FZD3: variants seen among roughly 807,000 people sequenced by gnomAD.
The protein encoded by FZD3 is frizzled class receptor 3.
FZD3 carries 30 observed loss-of-function variants against 60.7 expected under a neutral mutation model. That is an observed-to-expected ratio of 0.49 (90% CI 0.37 to 0.67). The LOEUF (loss-of-function observed/expected upper bound fraction) is 0.67. FZD3 is among the 30% of genes least tolerant of loss of function. The pLI is 0.00. For missense variants in FZD3, 605 were observed against 838.7 expected, an observed-to-expected ratio of 0.72 and a Z score of 3.44; for synonymous variants, 246 against 275.2, an observed-to-expected ratio of 0.89 and a Z score of 1.05.
intron 7 of FZD3, among the ~76,000 whole-genome samples, chr8:28,558,564 A>G (rs975749180): frequency 6.6e-6 from 1 of 151,704 alleles, no homozygotes; most frequent in African/African-American, 2.4e-5. Flanking sequence ...CTGAGTAGCT[A>G]GGATTACAGG....
intron 3 of FZD3, among the ~76,000 whole-genome samples, chr8:28,503,989 C>T (rs543008487): frequency 6.6e-6 from 1 of 152,306 alleles, no homozygotes; most frequent in East Asian, 1.9e-4. Flanking sequence ...ACCGTTAATT[C>T]ATATTCTCAT....
chr8:28,549,015 A>G (rs898200708), intron 5 of FZD3, among the ~76,000 whole-genome samples: 8 of 152,208 alleles, frequency 5.3e-5, no homozygotes, highest in African/African-American at 1.9e-4. Context: ...TAAACAACAG[A>G]AACTAATTTT....
Position 28,566,284 on chromosome 8 carries a change from C to T in FZD3, c.*3273C>T, listed in dbSNP as rs1805704592. 6.6e-6 allele frequency: 1 copy of T among 150,698 alleles called. No homozygotes were observed. Among genetic ancestry groups the T allele is most frequent in the South Asian group, 2.1e-4 (1 of 4,820 alleles). The allele number at this position is 150,698 out of a possible 1,614,324, so 9.3% of individuals were successfully genotyped here. On this transcript the variant is annotated 3_prime_UTR_variant, in exon 8 of 8. Transcript: ENST00000240093. ...AACATATTTTGCATAGATAACAGTC[C>T]ATATCACTATTATAATTAAAGAAAT...
intron 1 of FZD3, among the ~76,000 whole-genome samples, chr8:28,496,947 C>G (rs1207545933): frequency 6.6e-6 from 1 of 152,116 alleles, no homozygotes; most frequent in Non-Finnish European, 1.5e-5. Flanking sequence ...TTTTTGATAG[C>G]AGATTTAAGA....
intron 5 of FZD3, among the ~76,000 whole-genome samples, chr8:28,538,908 CTG>C (rs1444284804): frequency 1.3e-5 from 2 of 151,004 alleles, no homozygotes; most frequent in Non-Finnish European, 2.9e-5. Context: ...GGAGAAGCAA[CTG>C]TGAATAAAAT....
rs1182459067 is a variant in FZD3, at chr8:28,520,670, T to G, written c.222T>G (p.Ser74=). 6.2e-7 allele frequency: 1 copy of G among 1,605,178 alleles called. No individual in the cohort carries two copies. Among genetic ancestry groups the G allele is most frequent in the African/African-American group, 1.3e-5 (1 of 74,678 alleles). The part of the protein sequence containing the change: ...PFHPMVNLDC[S]RDFRPFLCAL... The stretch of plus-strand genomic sequence containing the variant: ...ACCCTATGGTGAATCTGGATTGTTC[T>G]CGGGATTTCCGGCCTTTTCTTTGTG... The change falls in exon 4 of 8, where the codon TCT becomes TCG. Residue 74 remains serine, a synonymous_variant. Transcript: ENST00000240093.
chr8:28,508,994 G>A (rs959100582), intron 3 of FZD3, among the ~76,000 whole-genome samples: 2 of 151,662 alleles, frequency 1.3e-5, no homozygotes, highest in African/African-American at 4.8e-5. Context: ...TTGTCCTTTA[G>A]GGACAAAGAT....
chr8:28,542,270 T>C (rs1370106853), intron 5 of FZD3, among the ~76,000 whole-genome samples: 5 of 152,144 alleles, frequency 3.3e-5, no homozygotes, highest in Non-Finnish European at 4.4e-5. Context: ...ATTATTGTTA[T>C]TGCTGTTTCT....
intron 3 of FZD3, among the ~76,000 whole-genome samples, chr8:28,508,673 G>T (rs1310741985): frequency 6.7e-6 from 1 of 148,162 alleles, no homozygotes; most frequent in African/African-American, 2.6e-5. Flanking sequence ...GCTAATTTTT[G>T]TGTTTTTTGT....
intron 4 of FZD3, among the ~76,000 whole-genome samples, chr8:28,525,213 T>C (rs919549202): frequency 6.6e-6 from 1 of 152,204 alleles, no homozygotes; most frequent in African/African-American, 2.4e-5. Flanking sequence ...CTATTCTAGA[T>C]GTCGAAGATG....
At chr8:28,543,319 C>G (rs1272828953) in intron 5 of FZD3, among the ~76,000 whole-genome samples, 1 of 151,342 alleles carries the variant, frequency 6.6e-6, no homozygotes, top group Non-Finnish European at 1.5e-5. Context: ...GAGTATAAGC[C>G]AGTGTGATTT....
At chr8:28,561,419 A>G (rs975179663) in intron 7 of FZD3, among the ~76,000 whole-genome samples, 1 of 152,212 alleles carries the variant, frequency 6.6e-6, no homozygotes, top group Non-Finnish European at 1.5e-5. Flanking sequence ...CTCTGATCTA[A>G]TGAAAATGTG....
Position 28,527,271 on chromosome 8 carries a change from A to G in FZD3, c.511A>G (p.Ile171Val). ...YGFWCPRELK[I>V]DPDLGYSFLH... ...TTTTTGGTGTCCCCGAGAGTTAAAAATTGATCCTGATCTGGGTTATTCTTT... is the reference window on the plus strand; with the variant it reads ...TTTTTGGTGTCCCCGAGAGTTAAAAGTTGATCCTGATCTGGGTTATTCTTT... Residue 171 changes from isoleucine (I) to valine (V), a missense_variant, in exon 5 of 8, where the codon ATT becomes GTT. Coordinates refer to ENST00000240093, the MANE Select transcript of FZD3 (RefSeq NM_017412.4). The surrounding 1 kb of genome is among the most constrained non-coding windows in gnomAD (Gnocchi z 5.0). The G allele has an allele frequency of 6.2e-7, 1 of 1,614,068 alleles. No individual in the cohort carries two copies. Among genetic ancestry groups the G allele is most frequent in the Non-Finnish European group, 8.5e-7 (1 of 1,179,938 alleles).
chr8:28,531,082 T>C (rs542126586), intron 5 of FZD3, among the ~76,000 whole-genome samples: 1 of 152,304 alleles, frequency 6.6e-6, no homozygotes, highest in South Asian at 2.1e-4. Flanking sequence ...ATGTATCTAA[T>C]ATTAAAGATA....
intron 3 of FZD3, among the ~76,000 whole-genome samples, chr8:28,505,828 T>C (rs1200882190): frequency 1.3e-5 from 2 of 152,242 alleles, no homozygotes; most frequent in African/African-American, 2.4e-5. Flanking sequence ...GTACATACTC[T>C]GTACTTTTAT....
At chr8:28,525,260 T>C (rs1014463446) in intron 4 of FZD3, among the ~76,000 whole-genome samples, 15 of 152,038 alleles carry the variant, frequency 9.9e-5, no homozygotes, top group Non-Finnish European at 5.9e-5. Context: ...TCTTATGGAG[T>C]GAAAATTCTA....
intron 5 of FZD3, among the ~76,000 whole-genome samples, chr8:28,547,750 A>G (rs1585994358): frequency 6.6e-6 from 1 of 152,116 alleles, no homozygotes; most frequent in South Asian, 2.1e-4. Flanking sequence ...TTTATCTGCC[A>G]TATAATTTGC....
intron 5 of FZD3, among the ~76,000 whole-genome samples, chr8:28,544,207 T>G (rs906201412): frequency 2.0e-4 from 31 of 152,154 alleles, no homozygotes; most frequent in African/African-American, 7.5e-4. Flanking sequence ...TTTAAGCTTC[T>G]CAACCTGTTT....
At chr8:28,553,070 G>C (rs1289158059) in intron 6 of FZD3, among the ~76,000 whole-genome samples, 1 of 152,126 alleles carries the variant, frequency 6.6e-6, no homozygotes, top group Non-Finnish European at 1.5e-5. Flanking sequence ...CCCACAGGGG[G>C]TCCTGAAACC....
Sources: gnomAD v4.1 joint callset for allele counts (sites outside exome capture counted in the v4.1 genomes callset) on GRCh38, gnomAD v4.1.1 for gene constraint, Gnocchi (gnomAD v3.1) non-coding constraint, MANE v1.5 for transcripts, NCBI Gene and HGNC (gene_info 2026-07-23, HGNC 2026-07-21) for gene names.